The following DPP10 variants were observed in gnomAD, a reference collection of about 807,000 sequenced individuals.
DPP10 encodes the protein inactive dipeptidyl peptidase 10.
Under a neutral mutation model 120.9 loss-of-function variants are expected in DPP10, and 33 were observed. That is an observed-to-expected ratio of 0.27 (90% CI 0.21 to 0.37). DPP10 has a LOEUF of 0.37. Among genes scored for constraint, DPP10 ranks in the 10% least tolerant of loss-of-function variants. The pLI, the probability that DPP10 is intolerant of heterozygous loss-of-function variation, is 1.00. For synonymous variants in DPP10, 337 were observed against 326.1 expected (o/e 1.03, Z -0.36); for missense variants, 816 against 942.8 (o/e 0.87, Z 1.76).
intron 5 of DPP10, among the ~76,000 whole-genome samples, chr2:115,557,387 A>C (rs906531228): frequency 6.6e-6 from 1 of 152,192 alleles, no homozygotes; most frequent in Non-Finnish European, 1.5e-5. Context: ...ACAGATTACC[A>C]GTCTGTCATT....
At chr2:115,635,635 C>T (rs984937724) in intron 5 of DPP10, among the ~76,000 whole-genome samples, 16 of 152,164 alleles carry the variant, frequency 1.1e-4, no homozygotes, top group Non-Finnish European at 2.9e-5. Flanking sequence ...AGTAGCCGCA[C>T]CTGTTCCATT....
At chr2:115,286,138 C>G (rs2060356482) in intron 1 of DPP10, among the ~76,000 whole-genome samples, 1 of 151,330 alleles carries the variant, frequency 6.6e-6, no homozygotes, top group South Asian at 2.1e-4. Context: ...ATAAAATACT[C>G]TTACTCTAAG....
chr2:114,710,464 G>A (rs1700953575), intron 1 of DPP10, among the ~76,000 whole-genome samples: 1 of 152,230 alleles, frequency 6.6e-6, no homozygotes, highest in Non-Finnish European at 1.5e-5. Context: ...AAAAGCACAG[G>A]CCGGGCATAG....
intron 1 of DPP10, chr2:115,145,075 G>A (rs990827485): frequency 1.6e-4 from 24 of 151,680 alleles, no homozygotes; most frequent in Non-Finnish European, 2.2e-4. Context: ...TTTGCCTTGC[G>A]ATCAAAAAGT....
At chr2:115,253,287 G>A (rs2058831419) in intron 1 of DPP10, among the ~76,000 whole-genome samples, 1 of 151,988 alleles carries the variant, frequency 6.6e-6, no homozygotes, top group African/African-American at 2.4e-5. Context: ...TCAACACTGG[G>A]GATTACATCT....
intron 3 of DPP10, among the ~76,000 whole-genome samples, chr2:115,431,473 C>T (rs1251382525): frequency 6.6e-6 from 1 of 152,126 alleles, no homozygotes; most frequent in Non-Finnish European, 1.5e-5. Flanking sequence ...GGACTGCAAG[C>T]ATGAATTCTG....
At chr2:115,560,917 C>T (rs1170892823) in intron 5 of DPP10, among the ~76,000 whole-genome samples, 1 of 152,134 alleles carries the variant, frequency 6.6e-6, no homozygotes, top group Non-Finnish European at 1.5e-5. Context: ...ATTTAGACAT[C>T]TATCTTCACC....
chr2:115,323,569 C>G (rs1327273534), intron 2 of DPP10, among the ~76,000 whole-genome samples: 1 of 152,124 alleles, frequency 6.6e-6, no homozygotes, highest in Non-Finnish European at 1.5e-5. Context: ...TCACTTTGCC[C>G]AGACCCTTCA....
chr2:115,168,235 C>T (rs2053054695), intron 1 of DPP10, among the ~76,000 whole-genome samples: 1 of 152,154 alleles, frequency 6.6e-6, no homozygotes, highest in Admixed American at 6.5e-5. Context: ...AAAATCATCT[C>T]CATATATTTT....
intron 9 of DPP10, among the ~76,000 whole-genome samples, chr2:115,745,640 G>GTCTT (rs779307897): frequency 4.7e-5 from 7 of 150,520 alleles, no homozygotes; most frequent in Non-Finnish European, 8.8e-5. Context: ...TTTGGTAGGC[G>GTCTT]TCTTTCTTTC....
At chr2:114,761,319 C>T (rs1028980697) in intron 1 of DPP10, among the ~76,000 whole-genome samples, 4 of 152,064 alleles carry the variant, frequency 2.6e-5, no homozygotes, top group African/African-American at 9.7e-5. Context: ...ATAATTCTCC[C>T]TGGATCTCAT....
intron 1 of DPP10, among the ~76,000 whole-genome samples, chr2:114,881,974 G>A (rs1691681224): frequency 6.6e-6 from 1 of 151,946 alleles, no homozygotes; most frequent in Admixed American, 6.6e-5. Context: ...AGCTATAATA[G>A]GCATGTAACA....
chr2:114,541,150 G>C (rs185304986), intron 1 of DPP10, among the ~76,000 whole-genome samples: 2 of 152,294 alleles, frequency 1.3e-5, no homozygotes, highest in African/African-American at 4.8e-5. Flanking sequence ...CGATGGGGGC[G>C]AAGTCACGGC....
chr2:114,962,343 T>A (rs1020372186), intron 1 of DPP10, among the ~76,000 whole-genome samples: 1 of 152,184 alleles, frequency 6.6e-6, no homozygotes, highest in Admixed American at 6.5e-5. Flanking sequence ...ATCCAACATA[T>A]GTTTCCAAAT....
intron 1 of DPP10, among the ~76,000 whole-genome samples, chr2:115,301,442 A>G (rs956297546): frequency 6.7e-6 from 1 of 149,766 alleles, no homozygotes; most frequent in Non-Finnish European, 1.5e-5. Context: ...TTCCTTCCTG[A>G]GAGAAAAATA....
chr2:115,378,733 C>A (rs7422121), intron 3 of DPP10, among the ~76,000 whole-genome samples: 120,584 of 152,008 alleles, frequency 0.79, 48,003 homozygotes, highest in Non-Finnish European at 0.83. Flanking sequence ...TCCCATCAAT[C>A]CCTAATTTAT....
At chr2:114,832,948 G>T (rs1687271962) in intron 1 of DPP10, among the ~76,000 whole-genome samples, 1 of 152,124 alleles carries the variant, frequency 6.6e-6, no homozygotes, top group South Asian at 2.1e-4. Flanking sequence ...ATGTATGCAT[G>T]CATCTGTGTG....
chr2:114,853,044 G>C (rs77252552), intron 1 of DPP10, among the ~76,000 whole-genome samples: 5 of 152,064 alleles, frequency 3.3e-5, no homozygotes, highest in East Asian at 3.9e-4. Flanking sequence ...TAAAAGTAAG[G>C]TATGTTGAGC....
At chr2:115,124,211 G>A (rs903548336) in intron 1 of DPP10, among the ~76,000 whole-genome samples, 1 of 152,072 alleles carries the variant, frequency 6.6e-6, no homozygotes, top group Non-Finnish European at 1.5e-5. Flanking sequence ...CCAAAGTGCT[G>A]GATTGCAGGC....
Sources: allele counts gnomAD v4.1 joint callset (sites outside exome capture counted in the v4.1 genomes callset), GRCh38; gene constraint gnomAD v4.1.1; transcripts MANE v1.5; gene names NCBI Gene and HGNC (gene_info 2026-07-23, HGNC 2026-07-21).